Variants in KIAA1549 observed in about 807,000 individuals in gnomAD.
KIAA1549 encodes the protein UPF0606 protein KIAA1549.
Under a neutral mutation model 156.4 loss-of-function variants are expected in KIAA1549, and 70 were observed. The ratio of observed to expected loss-of-function variants is 0.45; its 90% CI spans 0.37 to 0.55. KIAA1549 has a LOEUF of 0.55. KIAA1549 is among the 20% of genes least tolerant of loss of function. KIAA1549 has a pLI of 0.00. For synonymous variants in KIAA1549, 1,103 were observed against 1,066.4 expected (o/e 1.03, Z -0.67); for missense variants, 2,428 against 2,540.9 (o/e 0.96, Z 0.96).
rs1262321319 is a variant in KIAA1549, at chr7:138,831,629, T to C, written c.*6277A>G. On this transcript the variant is annotated 3_prime_UTR_variant, in exon 20 of 20. Transcript: ENST00000422774. ...TTTGAGGACCAGCAAACCATGATTGTCAAGTTTAAGTTGCAGTATTGATGC... is the reference window on the plus strand; with the variant it reads ...TTTGAGGACCAGCAAACCATGATTGCCAAGTTTAAGTTGCAGTATTGATGC... 2.6e-5 allele frequency: 6 copies of C among 229,220 alleles called. No individual in the cohort carries two copies. Among genetic ancestry groups the C allele is most frequent in the Non-Finnish European group, 4.3e-5 (5 of 115,620 alleles). 14.2% of individuals were successfully genotyped at this position (229,220 alleles called of 1,614,324 possible). A position where few individuals can be genotyped will look rare whatever the true frequency, so the allele number is the denominator to read the frequency against.
At chr7:138,936,622 C>G (rs1047303106) in intron 1 of KIAA1549, among the ~76,000 whole-genome samples, 1 of 152,106 alleles carries the variant, frequency 6.6e-6, no homozygotes, top group Non-Finnish European at 1.5e-5. Context: ...CTTCTGTTTC[C>G]TGGGTGGTGT....
chr7:138,903,222 T>A (rs567491158), intron 8 of KIAA1549, among the ~76,000 whole-genome samples: 13 of 152,302 alleles, frequency 8.5e-5, no homozygotes, highest in Admixed American at 5.9e-4. Flanking sequence ...ATCGCTATGA[T>A]GCTATCAATA....
chr7:138,843,189 G>C (rs868217399), intron 18 of KIAA1549, among the ~76,000 whole-genome samples: 1 of 152,168 alleles, frequency 6.6e-6, no homozygotes, highest in Non-Finnish European at 1.5e-5. Context: ...AAGGAGGTAA[G>C]TACGAATATT....
chr7:138,901,944 C>T (rs909849824), intron 8 of KIAA1549, among the ~76,000 whole-genome samples: 81 of 134,456 alleles, frequency 6.0e-4, no homozygotes, highest in African/African-American at 2.1e-3. Flanking sequence ...AGAGAGCTTG[C>T]ATGTCAAATT....
intron 1 of KIAA1549, among the ~76,000 whole-genome samples, chr7:138,968,763 G>C (rs1028823380): frequency 6.6e-6 from 1 of 151,442 alleles, no homozygotes; most frequent in African/African-American, 2.4e-5. Context: ...GGGAGGCTGA[G>C]GCAGGAGAAT....
intron 1 of KIAA1549, among the ~76,000 whole-genome samples, chr7:138,925,011 A>C (rs1481455875): frequency 1.3e-5 from 2 of 152,136 alleles, no homozygotes; most frequent in African/African-American, 4.8e-5. Context: ...CCAAGTAGCC[A>C]GCGCTGAGGC....
At chr7:138,921,681 G>A (rs901235710) in intron 1 of KIAA1549, among the ~76,000 whole-genome samples, 5 of 152,088 alleles carry the variant, frequency 3.3e-5, no homozygotes, top group South Asian at 4.2e-4. Flanking sequence ...CCTGGCCAAC[G>A]TGGCAAAACC....
In KIAA1549 at chr7:138,831,888, T is replaced by A; in HGVS notation, c.*6018A>T. ...CGAGGGCGTTCCCACTCCCCTTTTC[T>A]GAAACAAGTCCTCTGGTGCTTAGAG... On this transcript the variant is annotated 3_prime_UTR_variant, in exon 20 of 20. Coordinates refer to ENST00000422774, the MANE Select transcript of KIAA1549 (RefSeq NM_001164665.2). 4.3e-6 allele frequency: 1 copy of A among 232,940 alleles called. No individual in the cohort carries two copies. The allele number at this position is 232,940 out of a possible 1,614,324, so 14.4% of individuals were successfully genotyped here.
In KIAA1549 at chr7:138,918,977, G is replaced by A. The variant is rs1440054999; in HGVS notation, c.649C>T (p.Arg217Ter). The A allele has an allele frequency of 1.2e-6, 2 of 1,613,994 alleles. No homozygotes were observed. Among genetic ancestry groups the A allele is most frequent in the South Asian group, 2.2e-5 (2 of 91,086 alleles). The change falls in exon 2 of 20, where the codon CGA becomes TGA. Residue 217 changes from arginine (R) to a stop codon, truncating the protein, a stop_gained. Transcript: ENST00000422774. LOFTEE classifies it high-confidence loss of function. The surrounding 1 kb of genome is among the most constrained non-coding windows in gnomAD (Gnocchi z 4.2). Reference sequence around the variant, plus strand: ...GACTCAGCATATGCCGCTGGTTGTCGCGTTGTGTTCTGCCAGCCCGATGTC... The same window carrying A: ...GACTCAGCATATGCCGCTGGTTGTCACGTTGTGTTCTGCCAGCCCGATGTC... The part of the protein sequence containing the change: ...EVTSGWQNTT[R>*]QPAAYAESAS...
In KIAA1549 at chr7:138,869,686, CGCGGCGCTT is replaced by C; in HGVS notation, c.4618_4626del (p.Lys1540_Arg1542del). ...TCTACCACCGGGAACTCGTAGTGCC[CGCGGCGCTT>C]GGCGCGCAGGCGGATCTTGTTGCGA... On this transcript the variant is annotated inframe_deletion, in exon 14 of 20. Transcript: ENST00000422774. 1 of 1,612,424 alleles carries C rather than the reference CGCGGCGCTT, an allele frequency of 6.2e-7. No individual in the cohort carries two copies. The highest frequency in any genetic ancestry group is 8.5e-7 in the Non-Finnish European group (1 of 1,179,848).
intron 1 of KIAA1549, among the ~76,000 whole-genome samples, chr7:138,976,231 C>G (rs1311945061): frequency 6.6e-6 from 1 of 152,158 alleles, no homozygotes; most frequent in Admixed American, 6.5e-5. Context: ...CACCTGCCAC[C>G]ACACCCGGCT....
chr7:138,890,692 A>G (rs747626980), intron 10 of KIAA1549, among the ~76,000 whole-genome samples: 4 of 152,114 alleles, frequency 2.6e-5, no homozygotes, highest in Admixed American at 6.6e-5. Context: ...AACCATAGGG[A>G]ATGAGCTGAC....
chr7:138,930,890 T>C (rs544002901), intron 1 of KIAA1549, among the ~76,000 whole-genome samples: 21 of 152,364 alleles, frequency 1.4e-4, no homozygotes, highest in African/African-American at 4.3e-4. Flanking sequence ...CAGGCTCCCT[T>C]GGCTTTTGAT....
At chr7:138,846,758 CA>C (rs1171625049) in intron 17 of KIAA1549, among the ~76,000 whole-genome samples, 1 of 151,842 alleles carries the variant, frequency 6.6e-6, no homozygotes, top group Non-Finnish European at 1.5e-5. Context: ...TGAAGAAATT[CA>C]AGAAAAAAAA....
rs1287427455 is a variant in KIAA1549, at chr7:138,836,734, T to C, written c.*1172A>G. On this transcript the variant is annotated 3_prime_UTR_variant, in exon 20 of 20. Coordinates refer to ENST00000422774, the MANE Select transcript of KIAA1549 (RefSeq NM_001164665.2). ...GCCACTCGACAGAGTAACAGCACAA[T>C]AAAATCAGAAATGAGAAGCAACTCT... 2 of 219,598 alleles carry C rather than the reference T, an allele frequency of 9.1e-6. No homozygotes were observed. Among genetic ancestry groups the C allele is most frequent in the African/African-American group, 4.5e-5 (2 of 44,532 alleles). The allele number at this position is 219,598 out of a possible 1,614,324, so 13.6% of individuals were successfully genotyped here.
chr7:138,934,822 C>T (rs1431795054), intron 1 of KIAA1549, among the ~76,000 whole-genome samples: 9 of 152,146 alleles, frequency 5.9e-5, no homozygotes, highest in South Asian at 2.1e-4. Context: ...GAAAGGGGAG[C>T]CCCCAAATGA....
Position 138,832,095 on chromosome 7 carries a change from G to T in KIAA1549, c.*5811C>A, listed in dbSNP as rs149428313. On this transcript the variant is annotated 3_prime_UTR_variant, in exon 20 of 20. Transcript: ENST00000422774. ...CTGGTAAGTACAGGAAAGACTATTC[G>T]TGATGCTCCAAGTAGCCCAGAAAGG... 4.4e-6 allele frequency: 1 copy of T among 229,034 alleles called. No individual in the cohort carries two copies. Among genetic ancestry groups the T allele is most frequent in the Non-Finnish European group, 8.6e-6 (1 of 115,654 alleles). 14.2% of individuals were successfully genotyped at this position (229,034 alleles called of 1,614,324 possible).
intron 5 of KIAA1549, 90 bp from the exon 6 acceptor site, chr7:138,907,192 A>AT (rs984667491): frequency 5.3e-6 from 6 of 1,132,286 alleles, no homozygotes; most frequent in African/African-American, 4.8e-5. Flanking sequence ...CCTCTCACCG[A>AT]TTTTTTTAAA....
At chr7:138,895,834 C>T (rs1032446884) in intron 9 of KIAA1549, among the ~76,000 whole-genome samples, 2 of 152,026 alleles carry the variant, frequency 1.3e-5, no homozygotes, top group African/African-American at 4.8e-5. Flanking sequence ...CCTTCATTGC[C>T]CCACCTGTGT....
Sources: gnomAD v4.1 joint callset for allele counts (sites outside exome capture counted in the v4.1 genomes callset) on GRCh38, gnomAD v4.1.1 for gene constraint, Gnocchi (gnomAD v3.1) non-coding constraint, MANE v1.5 for transcripts, NCBI Gene and HGNC (gene_info 2026-07-23, HGNC 2026-07-21) for gene names.